Variants in TMEM232 observed in about 807,000 individuals in gnomAD.
TMEM232 encodes the protein transmembrane protein 232.
A neutral mutation model predicts 78.8 loss-of-function variants in TMEM232; 80 were observed. The ratio of observed to expected loss-of-function variants is 1.01; its 90% CI spans 0.85 to 1.22. The LOEUF (loss-of-function observed/expected upper bound fraction) is 1.22, where lower values mean the gene tolerates loss of function less well. Among genes scored for constraint, TMEM232 ranks in the 50% most tolerant of loss-of-function variants. TMEM232 has a pLI of 0.00. For missense variants in TMEM232, 881 were observed against 742.2 expected (o/e 1.19, Z -2.17); for synonymous variants, 297 against 254.3 (o/e 1.17, Z -1.60).
chr5:110,647,536 T>C (rs1787667941), intron 2 of TMEM232, among the ~76,000 whole-genome samples: 1 of 152,000 alleles, frequency 6.6e-6, no homozygotes, highest in African/African-American at 2.4e-5. Flanking sequence ...TGTCGTGTTT[T>C]TATGTGTTTC....
At chr5:110,526,228 C>G (rs1770577616) in intron 12 of TMEM232, among the ~76,000 whole-genome samples, 1 of 146,852 alleles carries the variant, frequency 6.8e-6, no homozygotes, top group South Asian at 2.1e-4. Context: ...CATTCTATTA[C>G]AAAGAAAAAT....
At chr5:110,508,988 G>T (rs922471426) in intron 12 of TMEM232, among the ~76,000 whole-genome samples, 3 of 121,702 alleles carry the variant, frequency 2.5e-5, no homozygotes, top group East Asian at 2.3e-4. Context: ...AATTATATAT[G>T]TGTATATATG....
At chr5:110,671,460 G>A (rs1402286217) in intron 1 of TMEM232, among the ~76,000 whole-genome samples, 1 of 152,132 alleles carries the variant, frequency 6.6e-6, no homozygotes, top group Non-Finnish European at 1.5e-5. Flanking sequence ...TATGTTTACT[G>A]CAGCACTATT....
intron 1 of TMEM232, among the ~76,000 whole-genome samples, chr5:110,723,777 T>C (rs954127891): frequency 6.6e-6 from 1 of 152,202 alleles, no homozygotes; most frequent in Non-Finnish European, 1.5e-5. Flanking sequence ...TTTGCAACTA[T>C]GAGTTCTAGC....
intron 12 of TMEM232, among the ~76,000 whole-genome samples, chr5:110,511,401 C>T (rs1022123025): frequency 1.3e-5 from 2 of 151,288 alleles, no homozygotes; most frequent in African/African-American, 4.9e-5. Flanking sequence ...ATGTAACAAA[C>T]CTGCACGCTC....
chr5:110,455,788 G>A (rs905382354), intron 12 of TMEM232, among the ~76,000 whole-genome samples: 7 of 152,212 alleles, frequency 4.6e-5, no homozygotes, highest in African/African-American at 1.7e-4. Flanking sequence ...AAGACTGCAA[G>A]GCTCTTTCAA....
At chr5:110,732,152 TA>T (rs1798730170) in intron 2 of TMEM232, among the ~76,000 whole-genome samples, 1 of 152,210 alleles carries the variant, frequency 6.6e-6, no homozygotes, top group Non-Finnish European at 1.5e-5. Flanking sequence ...AAGTTCCTCA[TA>T]TTCATCTGAG....
At position 110,721,671 on chromosome 5, in the gene TMEM232, G is replaced by GTA. The variant is rs1192575850; in HGVS notation, c.-13+4955_-13+4956insTA. Among the ~76,000 whole-genome samples the GTA allele has an allele frequency of 1.7e-4, 4 of 23,394 alleles. 1 individual carries two copies. Among genetic ancestry groups the GTA allele is most frequent in the African/African-American group, 3.2e-4 (4 of 12,452 alleles). The allele number at this position is 23,394 out of a possible 152,430, so 15.3% of individuals were successfully genotyped here. A position where few individuals can be genotyped will look rare whatever the true frequency, so the allele number is the denominator to read the frequency against. ...CTGCATATCATGTGTGTGTGTGTGTGTGTATATATATATCTGTGTGTGTTA... is the reference window on the plus strand; with the variant it reads ...CTGCATATCATGTGTGTGTGTGTGTGTATGTATATATATATCTGTGTGTGTTA... On this transcript the variant is annotated intron_variant, in intron 1 of 13. Transcript: ENST00000455884.
intron 12 of TMEM232, among the ~76,000 whole-genome samples, chr5:110,491,761 A>G (rs1446689167): frequency 6.6e-6 from 1 of 151,990 alleles, no homozygotes; most frequent in Non-Finnish European, 1.5e-5. Context: ...GACGAGGAAT[A>G]AAATCAAAAT....
intron 12 of TMEM232, among the ~76,000 whole-genome samples, chr5:110,454,134 A>G (rs954279723): frequency 6.6e-6 from 1 of 152,216 alleles, no homozygotes; most frequent in Non-Finnish European, 1.5e-5. Context: ...TAGAAGCCTG[A>G]ATCAATACTA....
chr5:110,656,073 T>C (rs1270512675), intron 2 of TMEM232, among the ~76,000 whole-genome samples: 1 of 152,032 alleles, frequency 6.6e-6, no homozygotes, highest in African/African-American at 2.4e-5. Context: ...AAACAATACT[T>C]TAATTGGCTG....
intron 12 of TMEM232, among the ~76,000 whole-genome samples, chr5:110,428,179 T>C (rs1757449458): frequency 6.6e-6 from 1 of 151,832 alleles, no homozygotes; most frequent in Non-Finnish European, 1.5e-5. Context: ...CTACTCTCTA[T>C]GTCCATGAGT....
At chr5:110,600,520 G>T (rs1390695460) in intron 10 of TMEM232, among the ~76,000 whole-genome samples, 2 of 152,134 alleles carry the variant, frequency 1.3e-5, no homozygotes, top group Non-Finnish European at 2.9e-5. Flanking sequence ...TACCATCAGA[G>T]AATACTATAA....
chr5:110,584,061 T>C (rs1581305495), intron 10 of TMEM232, among the ~76,000 whole-genome samples: 1 of 149,924 alleles, frequency 6.7e-6, no homozygotes, highest in Non-Finnish European at 1.5e-5. Context: ...GAATGCAAAG[T>C]GGTATTACTG....
In TMEM232 at chr5:110,625,304, T is replaced by A; in HGVS notation, c.731A>T (p.Glu244Val). ...TGTGTTCTCATATCTTTTCTTATCT[T>A]CCACAGGTCTAAAAATGGATTCAGA... ...LRSESIFRPV[E>V]DKKRYENTDS... Residue 244 changes from glutamate to valine, a missense_variant, in exon 7 of 14, where the codon GAA (glutamate) becomes GTA (valine). Physicochemically the swap from Glu to Val is moderately radical, Grantham distance 121. Coordinates refer to ENST00000455884, the MANE Select transcript of TMEM232 (RefSeq NM_001039763.4). 1 of 1,544,188 alleles carries A rather than the reference T, an allele frequency of 6.5e-7. No individual in the cohort carries two copies. The highest frequency in any genetic ancestry group is 8.7e-7 in the Non-Finnish European group (1 of 1,143,672).
At chr5:110,469,986 A>C (rs1580812194) in intron 12 of TMEM232, among the ~76,000 whole-genome samples, 1 of 151,870 alleles carries the variant, frequency 6.6e-6, no homozygotes, top group Admixed American at 6.6e-5. Context: ...CCCCCCCGGA[A>C]CCCCAGCAAC....
chr5:110,504,021 T>G (rs1284437213), intron 12 of TMEM232, among the ~76,000 whole-genome samples: 1 of 152,234 alleles, frequency 6.6e-6, no homozygotes. Context: ...TTGGACTATC[T>G]TGGCAGTTTA....
intron 8 of TMEM232, 67 bp from the exon 9 acceptor site, chr5:110,606,354 T>C (rs148673638): frequency 7.1e-7 from 1 of 1,406,360 alleles, no homozygotes; most frequent in East Asian, 2.5e-5. Context: ...CAACTTTTAA[T>C]GTGAAAAAAT....
At chr5:110,678,778 T>C (rs1467002618) in intron 1 of TMEM232, among the ~76,000 whole-genome samples, 2 of 152,018 alleles carry the variant, frequency 1.3e-5, no homozygotes, top group Non-Finnish European at 2.9e-5. Flanking sequence ...AATTAAACAC[T>C]ATGTAGCCTT....
Sources: gnomAD v4.1 joint callset for allele counts (sites outside exome capture counted in the v4.1 genomes callset) on GRCh38, gnomAD v4.1.1 for gene constraint, MANE v1.5 for transcripts, NCBI Gene and HGNC (gene_info 2026-07-23, HGNC 2026-07-21) for gene names.